Variants in EGFLAM observed in about 807,000 individuals in gnomAD.
The protein encoded by EGFLAM is EGF like, fibronectin type III and laminin G domains, also known as pikachurin.
A neutral mutation model predicts 113.1 loss-of-function variants in EGFLAM; 79 were observed. The observed-to-expected ratio is 0.70, with a 90% CI of 0.58 to 0.84. EGFLAM has a LOEUF of 0.84. Among genes scored for constraint, EGFLAM ranks in the 40% least tolerant of loss-of-function variants. EGFLAM has a pLI of 0.00. For synonymous variants in EGFLAM, 504 were observed against 487.6 expected (o/e 1.03, Z -0.44); for missense variants, 1,265 against 1,291.6 (o/e 0.98, Z 0.32).
At chr5:38,274,759 A>C (rs1226432700) in intron 1 of EGFLAM, among the ~76,000 whole-genome samples, 1 of 152,186 alleles carries the variant, frequency 6.6e-6, no homozygotes, top group East Asian at 1.9e-4. Context: ...AAAAATCTGA[A>C]AGTATAAAAC....
At chr5:38,359,167 T>C (rs996802654) in intron 5 of EGFLAM, among the ~76,000 whole-genome samples, 1 of 152,180 alleles carries the variant, frequency 6.6e-6, no homozygotes, top group African/African-American at 2.4e-5. Flanking sequence ...ACCAAAAGCC[T>C]GGAAAAACGT....
intron 1 of EGFLAM, among the ~76,000 whole-genome samples, chr5:38,330,559 T>C (rs980767399): frequency 3.3e-5 from 5 of 152,232 alleles, no homozygotes; most frequent in African/African-American, 4.8e-5. Context: ...CCAATTTCCA[T>C]AACCCCATCT....
In EGFLAM at chr5:38,338,750, G is replaced by A. The variant is rs141979824; in HGVS notation, c.260G>A (p.Ser87Asn). Residue 87 changes from serine (S) to asparagine (N), a missense_variant, in exon 3 of 22, where the codon AGC becomes AAC. By Grantham distance (46) the Ser-to-Asn change is conservative (BLOSUM62 1). Transcript: ENST00000322350. ...ADKSLQEQLHSVPLSRDIPTT... is the reference protein window; with the variant it reads ...ADKSLQEQLHNVPLSRDIPTT... ...AAATCCCTGCAGGAGCAGTTGCACA[G>A]CGTGCCTCTCAGCCGGGACATCCCG... The A allele has an allele frequency of 1.2e-6, 2 of 1,614,116 alleles. No individual in the cohort carries two copies. Among genetic ancestry groups the A allele is most frequent in the Admixed American group, 3.3e-5 (2 of 60,014 alleles).
intron 6 of EGFLAM, among the ~76,000 whole-genome samples, chr5:38,378,987 G>T (rs1204804959): frequency 6.6e-6 from 1 of 152,214 alleles, no homozygotes; most frequent in Admixed American, 6.5e-5. Flanking sequence ...GCTGACAGGG[G>T]CAGCCACTGG....
intron 19 of EGFLAM, among the ~76,000 whole-genome samples, chr5:38,456,623 G>A (rs573210918): frequency 6.6e-6 from 1 of 152,242 alleles, no homozygotes; most frequent in South Asian, 2.1e-4. Context: ...AATGTCAATG[G>A]GCTGTGTGAG....
chr5:38,324,148 T>C (rs2111902707), intron 1 of EGFLAM, among the ~76,000 whole-genome samples: 1 of 152,246 alleles, frequency 6.6e-6, no homozygotes, highest in South Asian at 2.1e-4. Flanking sequence ...TTCCCTCTTA[T>C]GTTTCTCTCT....
chr5:38,442,410 A>G (rs902700237), intron 17 of EGFLAM, among the ~76,000 whole-genome samples: 1 of 147,946 alleles, frequency 6.8e-6, no homozygotes, highest in Non-Finnish European at 1.5e-5. Flanking sequence ...TTAATATATT[A>G]ATTATTTTAA....
At chr5:38,415,987 C>T (rs544654045) in intron 11 of EGFLAM, among the ~76,000 whole-genome samples, 19 of 151,972 alleles carry the variant, frequency 1.3e-4, no homozygotes, top group Non-Finnish European at 2.2e-4. Flanking sequence ...TCCCACGACC[C>T]GTGGGGATTA....
chr5:38,265,943 C>T (rs1046063410), intron 1 of EGFLAM, among the ~76,000 whole-genome samples: 2 of 152,186 alleles, frequency 1.3e-5, no homozygotes, highest in African/African-American at 4.8e-5. Flanking sequence ...GGTACCTCGA[C>T]CCAGGTACTC....
intron 1 of EGFLAM, among the ~76,000 whole-genome samples, chr5:38,314,915 G>A (rs1348918836): frequency 1.3e-5 from 2 of 152,152 alleles, no homozygotes; most frequent in Non-Finnish European, 2.9e-5. Flanking sequence ...AGTATGGAGC[G>A]GAGCTGCAGC....
rs1440890073 is a variant in EGFLAM, at chr5:38,258,637, C to T, written c.-118C>T. On this transcript the variant is annotated 5_prime_UTR_variant, in exon 1 of 22. Transcript: ENST00000322350. ...TTTCCGGGCCCAGCCCTCGCAGCCC[C>T]CCACCTCCTCGCCCCGGCCCGGGGA... 8.3e-7 allele frequency: 1 copy of T among 1,197,772 alleles called. No homozygotes were observed. Among genetic ancestry groups the T allele is most frequent in the African/African-American group, 1.5e-5 (1 of 65,990 alleles). The allele number at this position is 1,197,772 out of a possible 1,614,324, so 74.2% of individuals were successfully genotyped here. A position where few individuals can be genotyped will look rare whatever the true frequency, so the allele number is the denominator to read the frequency against.
chr5:38,407,960 G>A, intron 9 of EGFLAM, 55 bp downstream of exon 9: 1 of 1,375,324 alleles, frequency 7.3e-7, no homozygotes, highest in African/African-American at 1.4e-5. Context: ...ACACAGCAAT[G>A]TGCTACATTC....
chr5:38,291,268 G>A (rs1300385846), intron 1 of EGFLAM, among the ~76,000 whole-genome samples: 1 of 152,190 alleles, frequency 6.6e-6, no homozygotes, highest in African/African-American at 2.4e-5. Context: ...AGGTAAATAT[G>A]ACTGTAAATG....
chr5:38,332,149 G>A (rs1483902213), intron 1 of EGFLAM, among the ~76,000 whole-genome samples: 3 of 152,146 alleles, frequency 2.0e-5, no homozygotes, highest in Admixed American at 6.5e-5. Context: ...TATCTCATTG[G>A]TGTTATAATT....
At chr5:38,275,092 A>G (rs1757855744) in intron 1 of EGFLAM, among the ~76,000 whole-genome samples, 1 of 152,194 alleles carries the variant, frequency 6.6e-6, no homozygotes, top group South Asian at 2.1e-4. Context: ...TATAATATAC[A>G]CACTAAAAAC....
chr5:38,393,463 C>G (rs943862280), intron 6 of EGFLAM, among the ~76,000 whole-genome samples: 3 of 142,166 alleles, frequency 2.1e-5, no homozygotes, highest in Admixed American at 2.0e-4. Flanking sequence ...CTGGCCACTC[C>G]TCATGGCAGG....
intron 3 of EGFLAM, among the ~76,000 whole-genome samples, chr5:38,341,958 C>G (rs1431894991): frequency 6.6e-6 from 1 of 150,486 alleles, no homozygotes; most frequent in Non-Finnish European, 1.5e-5. Context: ...GTTTTTTCCT[C>G]TCTCCAGGGA....
chr5:38,394,508 C>A (rs1364880201), intron 6 of EGFLAM, among the ~76,000 whole-genome samples: 1 of 151,726 alleles, frequency 6.6e-6, no homozygotes, highest in Admixed American at 6.6e-5. Context: ...CTCCCGGGTT[C>A]ACGCCATTCT....
chr5:38,409,848 T>G (rs978157967), intron 10 of EGFLAM, among the ~76,000 whole-genome samples: 13 of 152,170 alleles, frequency 8.5e-5, no homozygotes, highest in African/African-American at 3.1e-4. Context: ...CACCTTTAGC[T>G]TATGTGTGGT....
Sources: gnomAD v4.1 joint callset for allele counts (sites outside exome capture counted in the v4.1 genomes callset) on GRCh38, gnomAD v4.1.1 for gene constraint, MANE v1.5 for transcripts, NCBI Gene and HGNC (gene_info 2026-07-23, HGNC 2026-07-21) for gene names.